Variants in TRPM7 observed in about 807,000 individuals in gnomAD.
The protein encoded by TRPM7 is transient receptor potential cation channel subfamily M member 7.
Under a neutral mutation model 229.7 loss-of-function variants are expected in TRPM7, and 134 were observed. That is an observed-to-expected ratio of 0.58 (90% CI 0.51 to 0.67). The LOEUF (loss-of-function observed/expected upper bound fraction) is 0.67, where lower values mean the gene tolerates loss of function less well. Among genes scored for constraint, TRPM7 ranks in the 30% least tolerant of loss-of-function variants. The pLI is 0.00. For synonymous variants in TRPM7, 699 were observed against 715.2 expected (o/e 0.98, Z 0.36); for missense variants, 1,901 against 2,210.0 (o/e 0.86, Z 2.80).
intron 28 of TRPM7, among the ~76,000 whole-genome samples, chr15:50,585,884 A>T (rs772979147): frequency 3.0e-4 from 45 of 152,320 alleles, no homozygotes; most frequent in Admixed American, 7.2e-4. Flanking sequence ...ATTGTCTGTG[A>T]CCTTTTGTGT....
At chr15:50,567,603 T>TA (rs1354093998) in intron 38 of TRPM7, among the ~76,000 whole-genome samples, 5 of 151,398 alleles carry the variant, frequency 3.3e-5, no homozygotes, top group African/African-American at 1.2e-4. Flanking sequence ...TAACAATAAA[T>TA]AAAAAAGATA....
At position 50,603,687 on chromosome 15, in the gene TRPM7, C is replaced by T. The variant is rs144566746; in HGVS notation, c.2988+1179G>A. Among the ~76,000 whole-genome samples, 857 of 151,984 alleles carry T rather than the reference C, an allele frequency of 5.6e-3. 9 individuals are homozygous for T. Among genetic ancestry groups the T allele is most frequent in the African/African-American group, 0.02 (823 of 41,424 alleles). ...ACAGTATTCCATGGTGTATACGTGCCGCATTTTCTTAATCCAGTCTATCAT... is the reference window on the plus strand; with the variant it reads ...ACAGTATTCCATGGTGTATACGTGCTGCATTTTCTTAATCCAGTCTATCAT... On this transcript the variant is annotated intron_variant, in intron 21 of 38. Coordinates refer to ENST00000646667, the MANE Select transcript of TRPM7 (RefSeq NM_017672.6).
rs1365923268 is a variant in TRPM7, at chr15:50,575,744, A to C, written c.4715T>G (p.Phe1572Cys). The C allele has an allele frequency of 1.9e-6, 3 of 1,613,102 alleles. No individual in the cohort carries two copies. The highest frequency in any genetic ancestry group is 2.5e-6 in the Non-Finnish European group (3 of 1,179,674). ...TTTACCTCTTGGAGGCACAGGTGTA[A>C]ATGGAATGCTCTGTGATAACCTCAT... The part of the protein sequence containing the change: ...NLMRLSQSIP[F>C]TPVPPRGEPV... The change falls in exon 33 of 39, where the codon TTT becomes TGT. Residue 1572 changes from phenylalanine to cysteine, a missense_variant. Around this residue, in one of 8 missense-constraint regions of TRPM7, gnomAD observed 257 missense variants for 352.0 expected, o/e 0.73. Transcript: ENST00000646667.
chr15:50,608,316 T>C (rs1447498991), intron 19 of TRPM7, among the ~76,000 whole-genome samples: 1 of 152,198 alleles, frequency 6.6e-6, no homozygotes, highest in Non-Finnish European at 1.5e-5. Flanking sequence ...CCCACACTTA[T>C]TGACCCTTGA....
rs1173952779 is a variant in TRPM7 at position 50,614,221 on chromosome 15, C to A, written c.1537G>T (p.Gly513Ter). The A allele has an allele frequency of 3.1e-6, 5 of 1,611,334 alleles. No individual in the cohort carries two copies. In the South Asian group the frequency reaches 4.4e-5, roughly 14 times the overall value. The change falls in exon 14 of 39, where the codon GGA (glycine) becomes TGA (stop). Residue 513 changes from glycine (G) to a stop codon, truncating the protein, a stop_gained. Transcript: ENST00000646667. LOFTEE classifies it high-confidence loss of function. ...PGYKITLIDI[G>*]LVIEYLMGGT... Reference sequence around the variant, plus strand: ...CCCATGAGATATTCAATAACAAGTCCTATATCAATCAGAGTGATCTTATAT... The same window carrying A: ...CCCATGAGATATTCAATAACAAGTCATATATCAATCAGAGTGATCTTATAT...
intron 1 of TRPM7, among the ~76,000 whole-genome samples, chr15:50,671,489 A>G (rs1263507844): frequency 2.0e-5 from 3 of 152,148 alleles, no homozygotes; most frequent in Non-Finnish European, 4.4e-5. Flanking sequence ...TGGTCCCATA[A>G]GATTATAATG....
intron 36 of TRPM7, 85 bp downstream of exon 36, chr15:50,574,189 T>C: frequency 9.2e-7 from 1 of 1,092,210 alleles, no homozygotes; most frequent in Non-Finnish European, 1.4e-6. Flanking sequence ...TTTATTTATC[T>C]ATAAATTAGC....
intron 29 of TRPM7, 126 bp from the exon 30 acceptor site, chr15:50,581,034 CTT>C (rs1386639771): frequency 1.3e-6 from 1 of 746,620 alleles, no homozygotes. Flanking sequence ...ACATACAGTT[CTT>C]GTTTCATAAA....
At chr15:50,659,527 T>C (rs1368609387) in intron 2 of TRPM7, among the ~76,000 whole-genome samples, 13 of 152,200 alleles carry the variant, frequency 8.5e-5, no homozygotes, top group Admixed American at 8.5e-4. Context: ...AACTGTAAAT[T>C]ATGTCTCTCA....
intron 1 of TRPM7, among the ~76,000 whole-genome samples, chr15:50,672,550 C>G (rs746237833): frequency 3.3e-5 from 5 of 151,812 alleles, no homozygotes; most frequent in Admixed American, 3.3e-4. Context: ...CCTAGGCTAA[C>G]GTGTATATTT....
intron 5 of TRPM7, among the ~76,000 whole-genome samples, chr15:50,643,118 G>A (rs1317560137): frequency 4.6e-5 from 7 of 151,926 alleles, no homozygotes; most frequent in Admixed American, 1.3e-4. Context: ...GTGAAACCTC[G>A]TCTCTACTAA....
intron 1 of TRPM7, among the ~76,000 whole-genome samples, chr15:50,677,993 A>C (rs1353451956): frequency 6.6e-6 from 1 of 152,006 alleles, no homozygotes; most frequent in Non-Finnish European, 1.5e-5. Context: ...TAATCCCAGC[A>C]CTTTGGGAGG....
intron 1 of TRPM7, among the ~76,000 whole-genome samples, chr15:50,678,273 A>C: frequency 6.6e-6 from 1 of 150,784 alleles, no homozygotes; most frequent in Non-Finnish European, 1.5e-5. Context: ...ACAAAAACAA[A>C]AACAAAAACC....
In TRPM7 at chr15:50,624,278, A is replaced by G; in HGVS notation, c.1328T>C (p.Met443Thr). The change falls in exon 12 of 39, where the codon ATG becomes ACG. Residue 443 changes from methionine (M) to threonine (T), a missense_variant. Met to Thr is a moderately conservative substitution (Grantham distance 81, BLOSUM62 -1). Around this residue, in one of 8 missense-constraint regions of TRPM7, gnomAD observed 794 missense variants for 881.9 expected, o/e 0.90. Coordinates refer to ENST00000646667, the MANE Select transcript of TRPM7 (RefSeq NM_017672.6). ...QWLVGSLEQA[M>T]LDALVMDRVA... ...TCTATCCATTACAAGAGCATCAAGC[A>G]TAGCTTGTTCCAAGGATCCAACCTA... The G allele has an allele frequency of 6.2e-7, 1 of 1,608,598 alleles. No individual in the cohort carries two copies. The highest frequency in any genetic ancestry group is 8.5e-7 in the Non-Finnish European group (1 of 1,178,034).
chr15:50,628,034 AT>A, intron 11 of TRPM7, 114 bp downstream of exon 11: 1 of 731,058 alleles, frequency 1.4e-6, no homozygotes, highest in East Asian at 2.6e-5. Flanking sequence ...TAGCTAAACT[AT>A]TTTTGAACTA....
intron 38 of TRPM7, among the ~76,000 whole-genome samples, chr15:50,569,034 CAT>C (rs748359519): frequency 2.0e-5 from 3 of 149,570 alleles, no homozygotes; most frequent in Admixed American, 6.7e-5. Flanking sequence ...GGGCCCCAGA[CAT>C]GTGTAATTTT....
chr15:50,613,197 TATC>T (rs919994183), intron 15 of TRPM7, among the ~76,000 whole-genome samples: 6 of 152,196 alleles, frequency 3.9e-5, no homozygotes, highest in African/African-American at 1.4e-4. Context: ...ATTTGGTTAT[TATC>T]ATACCTAAAT....
At chr15:50,588,452 A>C (rs1239096985) in intron 27 of TRPM7, among the ~76,000 whole-genome samples, 1 of 152,220 alleles carries the variant, frequency 6.6e-6, no homozygotes, top group African/African-American at 2.4e-5. Flanking sequence ...ATAAAAATAC[A>C]AAATGTTACA....
chr15:50,671,889 T>C (rs908259239), intron 1 of TRPM7, among the ~76,000 whole-genome samples: 1 of 152,184 alleles, frequency 6.6e-6, no homozygotes, highest in Non-Finnish European at 1.5e-5. Context: ...TGTTTTGATA[T>C]TGGTGTAAAC....
Sources: allele counts gnomAD v4.1 joint callset (sites outside exome capture counted in the v4.1 genomes callset), GRCh38; gene constraint gnomAD v4.1.1; regional missense constraint gnomAD v4.1.1; transcripts MANE v1.5; gene names NCBI Gene and HGNC (gene_info 2026-07-23, HGNC 2026-07-21).